The following ZZEF1 variants were observed in gnomAD, a reference collection of about 807,000 sequenced individuals.
ZZEF1 encodes the protein zinc finger ZZ-type and EF-hand domain-containing protein 1.
In ZZEF1, 157 loss-of-function variants were observed where a neutral mutation model predicts 342.8. That is an observed-to-expected ratio of 0.46 (90% CI 0.40 to 0.52). The LOEUF is 0.52. Among genes scored for constraint, ZZEF1 ranks in the 20% least tolerant of loss-of-function variants. The pLI is 0.00. For synonymous variants in ZZEF1, 1,505 were observed against 1,429.1 expected, an observed-to-expected ratio of 1.05 and a Z score of -1.20; for missense variants, 3,480 against 3,725.6, an observed-to-expected ratio of 0.93 and a Z score of 1.72.
At chr17:4,091,252 C>T (rs1392857375) in intron 11 of ZZEF1, among the ~76,000 whole-genome samples, 1 of 152,122 alleles carries the variant, frequency 6.6e-6, no homozygotes, top group African/African-American at 2.4e-5. Flanking sequence ...AGGTTTGGGC[C>T]ACTTGCAATA....
At chr17:4,069,143 C>T (rs769107449) in intron 26 of ZZEF1, among the ~76,000 whole-genome samples, 40 of 152,252 alleles carry the variant, frequency 2.6e-4, no homozygotes, top group Admixed American at 2.6e-4. Flanking sequence ...TATCTGAACA[C>T]AGCCTGAAGT....
rs759064865 is a variant in ZZEF1, at chr17:4,088,692, G to A, written c.2227C>T (p.Leu743Phe). ...LLRTLQFIQQ[L>F]AHDLVQQKES... ...GGAAGCCCTACCAGGTCATGGGCGAGCTGCTGGATAAACTGAAGGGTCCTG... is the reference window on the plus strand; with the variant it reads ...GGAAGCCCTACCAGGTCATGGGCGAACTGCTGGATAAACTGAAGGGTCCTG... The change falls in exon 13 of 55, where the codon CTC (leucine) becomes TTC (phenylalanine). Residue 743 changes from leucine to phenylalanine, a missense_variant. Coordinates refer to ENST00000381638, the MANE Select transcript of ZZEF1 (RefSeq NM_015113.4). 6.2e-7 allele frequency: 1 copy of A among 1,613,878 alleles called. No homozygotes were observed. The highest frequency in any genetic ancestry group is 1.1e-5 in the South Asian group (1 of 91,076).
intron 26 of ZZEF1, 69 bp from the exon 27 acceptor site, chr17:4,067,311 A>G: frequency 7.8e-7 from 1 of 1,289,112 alleles, no homozygotes; most frequent in Non-Finnish European, 1.1e-6. Flanking sequence ...ATTAAGCACA[A>G]AAAATCTAAA....
At chr17:4,007,275 G>A (rs2055823999) in intron 54 of ZZEF1, among the ~76,000 whole-genome samples, 1 of 152,274 alleles carries the variant, frequency 6.6e-6, no homozygotes, top group Non-Finnish European at 1.5e-5. Flanking sequence ...GATGCAGGTG[G>A]GGAAGGGCAA....
In ZZEF1 at chr17:4,014,288, A is replaced by T; in HGVS notation, c.8314+59T>A. ...CATTCTCCAGTAAGTTCCCTTCTCA[A>T]TATTAAGTTTAAACACTGCCTGTGA... On this transcript the variant is annotated intron_variant, in intron 50 of 54. Coordinates refer to ENST00000381638, the MANE Select transcript of ZZEF1 (RefSeq NM_015113.4). This position sits in a 1 kb window ranked among gnomAD's most constrained non-coding sequence, Gnocchi z 4.4. 17 of 1,611,622 alleles carry T rather than the reference A, an allele frequency of 1.1e-5. No individual in the cohort carries two copies. Among genetic ancestry groups the T allele is most frequent in the Non-Finnish European group, 1.4e-5 (16 of 1,177,956 alleles).
In ZZEF1 at chr17:4,013,739, A is replaced by G. The variant is rs570979298; in HGVS notation, c.8414-125T>C. 5.5e-4 allele frequency: 603 copies of G among 1,089,172 alleles called. 2 individuals carry two copies. Among genetic ancestry groups the G allele is most frequent in the Middle Eastern group, 4.7e-3 (17 of 3,580 alleles). 67.5% of individuals were successfully genotyped at this position (1,089,172 alleles called of 1,614,324 possible). On this transcript the variant is annotated intron_variant, in intron 51 of 54. Coordinates refer to ENST00000381638, the MANE Select transcript of ZZEF1 (RefSeq NM_015113.4). ...CATTTTATAAACTGCTCAAATTTTAATAACTGTGATCATTTAAATTCTGGC... is the reference window on the plus strand; with the variant it reads ...CATTTTATAAACTGCTCAAATTTTAGTAACTGTGATCATTTAAATTCTGGC...
chr17:4,090,896 G>T, intron 11 of ZZEF1, 66 bp from the exon 12 acceptor site: 2 of 1,231,608 alleles, frequency 1.6e-6, no homozygotes, highest in Non-Finnish European at 2.4e-6. Flanking sequence ...AACAAATAAG[G>T]TATCATCTAA....
At chr17:4,138,242 AAT>A (rs2058786478) in intron 1 of ZZEF1, among the ~76,000 whole-genome samples, 1 of 152,210 alleles carries the variant, frequency 6.6e-6, no homozygotes, top group Non-Finnish European at 1.5e-5. Context: ...TCTTACAGTC[AAT>A]AGTCTTAAAA....
chr17:4,039,534 C>A (rs1001538563), intron 39 of ZZEF1, among the ~76,000 whole-genome samples: 2 of 151,828 alleles, frequency 1.3e-5, no homozygotes, highest in Non-Finnish European at 2.9e-5. Flanking sequence ...GGGGCAGACA[C>A]AGAAGCAAAG....
intron 1 of ZZEF1, among the ~76,000 whole-genome samples, chr17:4,134,310 C>T (rs1319602535): frequency 4.8e-5 from 7 of 147,256 alleles, no homozygotes; most frequent in African/African-American, 1.7e-4. Flanking sequence ...TAGATGAAGA[C>T]CCTGTCTCAA....
chr17:4,097,078 G>A (rs1157538397), intron 9 of ZZEF1, among the ~76,000 whole-genome samples: 3 of 151,952 alleles, frequency 2.0e-5, no homozygotes, highest in Non-Finnish European at 4.4e-5. Flanking sequence ...TGGCTAACAC[G>A]GAGAAACCCC....
chr17:4,043,784 T>C (rs1034354432), intron 38 of ZZEF1, among the ~76,000 whole-genome samples: 1 of 152,200 alleles, frequency 6.6e-6, no homozygotes, highest in Non-Finnish European at 1.5e-5. Context: ...CCTAGATCTC[T>C]TCCTCTCTAA....
At chr17:4,079,046 GAC>G (rs1388603413) in intron 18 of ZZEF1, among the ~76,000 whole-genome samples, 1 of 152,198 alleles carries the variant, frequency 6.6e-6, no homozygotes, top group Non-Finnish European at 1.5e-5. Context: ...GAGAAGAAAA[GAC>G]ACACAACTGA....
At position 4,052,004 on chromosome 17, in the gene ZZEF1, T is replaced by C; in HGVS notation, c.5567A>G (p.Tyr1856Cys). Residue 1856 changes from tyrosine to cysteine, a missense_variant, in exon 35 of 55, where the codon TAC (tyrosine) becomes TGC (cysteine). Physicochemically the swap from Tyr to Cys is radical, Grantham distance 194. This residue lies in a region of ZZEF1 where 175 missense variants were observed against 254.6 expected (regional missense o/e 0.69). Coordinates refer to ENST00000381638, the MANE Select transcript of ZZEF1 (RefSeq NM_015113.4). ...CNVCDDFDLC[Y>C]GCYAAKKYSY... ...GTATTTCTTCGCTGCATAGCATCCGTAGCAAAGATCAAAGTCATCGCAAAC... is the reference window on the plus strand; with the variant it reads ...GTATTTCTTCGCTGCATAGCATCCGCAGCAAAGATCAAAGTCATCGCAAAC... 3.1e-6 allele frequency: 5 copies of C among 1,614,152 alleles called. No homozygotes were observed. The highest frequency in any genetic ancestry group is 4.2e-6 in the Non-Finnish European group (5 of 1,180,014).
intron 31 of ZZEF1, among the ~76,000 whole-genome samples, 165 bp downstream of exon 31, chr17:4,059,006 C>T (rs908930916): frequency 2.6e-5 from 4 of 151,864 alleles, no homozygotes; most frequent in South Asian, 2.1e-4. Flanking sequence ...AGAAAATATA[C>T]GAATAAGTTA....
intron 1 of ZZEF1, among the ~76,000 whole-genome samples, chr17:4,125,917 T>C (rs1567864011): frequency 1.3e-5 from 2 of 152,024 alleles, no homozygotes; most frequent in Admixed American, 6.6e-5. Context: ...GACCTGTCTG[T>C]TGTCATGGGC....
At chr17:4,050,359 C>T (rs1443378505) in intron 36 of ZZEF1, among the ~76,000 whole-genome samples, 2 of 152,228 alleles carry the variant, frequency 1.3e-5, no homozygotes, top group South Asian at 4.1e-4. Flanking sequence ...ACTCCTTAGT[C>T]GAGTCAGATT....
At chr17:4,122,618 C>T (rs781707230) in intron 2 of ZZEF1, among the ~76,000 whole-genome samples, 1 of 152,150 alleles carries the variant, frequency 6.6e-6, no homozygotes, top group Non-Finnish European at 1.5e-5. Context: ...GACCTCAGGT[C>T]GGGAACTCCG....
intron 1 of ZZEF1, among the ~76,000 whole-genome samples, chr17:4,141,552 G>C (rs1336073874): frequency 1.3e-5 from 2 of 152,184 alleles, no homozygotes; most frequent in African/African-American, 4.8e-5. Context: ...TGCGGGTGGA[G>C]GGAGAGAGAG....
Sources: gnomAD v4.1 joint callset for allele counts (sites outside exome capture counted in the v4.1 genomes callset) on GRCh38, gnomAD v4.1.1 for gene constraint, gnomAD v4.1.1 regional missense constraint, Gnocchi (gnomAD v3.1) non-coding constraint, MANE v1.5 for transcripts, NCBI Gene and HGNC (gene_info 2026-07-23, HGNC 2026-07-21) for gene names.